The following CACNB2 variants were observed in gnomAD, a reference collection of about 807,000 sequenced individuals.
CACNB2 encodes calcium voltage-gated channel auxiliary subunit beta 2.
In CACNB2, 42 loss-of-function variants were observed where a neutral mutation model predicts 73.3. The ratio of observed to expected loss-of-function variants is 0.57; its 90% CI spans 0.45 to 0.74. The LOEUF (loss-of-function observed/expected upper bound fraction) is 0.74. Among genes scored for constraint, CACNB2 ranks in the 30% least tolerant of loss-of-function variants. The probability of loss-of-function intolerance (pLI) is 0.00; values close to 1 mark genes in which losing one functional copy is unlikely to be tolerated. For synonymous variants in CACNB2, 348 were observed against 310.3 expected (o/e 1.12, Z -1.28); for missense variants, 940 against 853.0 (o/e 1.10, Z -1.27).
chr10:18,415,529 A>T (rs16917315), intron 3 of CACNB2, among the ~76,000 whole-genome samples: 2,145 of 152,022 alleles, frequency 0.014, 75 homozygotes, highest in South Asian at 0.12. Context: ...AAATGGGTGG[A>T]CCCCAACACT....
intron 11 of CACNB2, 46 bp from the exon 12 acceptor site, chr10:18,536,055 C>A: frequency 2.6e-6 from 3 of 1,156,774 alleles, no homozygotes; most frequent in Non-Finnish European, 2.6e-6. Context: ...TTGTACTTTA[C>A]CTGGATGTAG....
At chr10:18,217,548 T>C (rs1315012781) in intron 2 of CACNB2, among the ~76,000 whole-genome samples, 1 of 151,786 alleles carries the variant, frequency 6.6e-6, no homozygotes, top group Non-Finnish European at 1.5e-5. Flanking sequence ...TGTATAAATG[T>C]TATAGAAAAA....
intron 3 of CACNB2, among the ~76,000 whole-genome samples, chr10:18,404,019 G>A (rs1331432397): frequency 6.6e-6 from 1 of 152,100 alleles, no homozygotes; most frequent in Non-Finnish European, 1.5e-5. Context: ...AATGCTTGAG[G>A]GGATAGATGC....
At chr10:18,417,540 T>C (rs933923557) in intron 3 of CACNB2, among the ~76,000 whole-genome samples, 1 of 152,008 alleles carries the variant, frequency 6.6e-6, no homozygotes, top group African/African-American at 2.4e-5. Flanking sequence ...GGCTAATTTT[T>C]GTATTTTTAG....
In CACNB2 at chr10:18,538,486, T is replaced by A. The variant is rs902055248; in HGVS notation, c.1488+121T>A. The A allele has an allele frequency of 2.9e-5, 23 of 791,040 alleles. No homozygotes were observed. The African/African-American group carries it at 4.0e-4, about 14-fold the overall frequency. The allele number at this position is 791,040 out of a possible 1,614,324, so 49.0% of individuals were successfully genotyped here. On this transcript the variant is annotated intron_variant, in intron 13 of 13. Transcript: ENST00000324631. ...TTGGGGCTTGTTCTAGTATATTAAC[T>A]CAAAGCAAGTCCAGCATGAGCTGTG...
intron 2 of CACNB2, among the ~76,000 whole-genome samples, chr10:18,155,857 A>C (rs1323300523): frequency 7.5e-6 from 1 of 134,190 alleles, no homozygotes; most frequent in Non-Finnish European, 1.6e-5. Context: ...GAACAGAGAG[A>C]GAGAATGAGA....
chr10:18,485,791 C>T (rs1200859376), intron 3 of CACNB2, among the ~76,000 whole-genome samples: 1 of 151,832 alleles, frequency 6.6e-6, no homozygotes, highest in Admixed American at 6.6e-5. Context: ...CCATGTTGGC[C>T]AGGCTGCTCT....
chr10:18,524,942 A>G (rs1253921870), intron 9 of CACNB2, among the ~76,000 whole-genome samples: 2 of 148,908 alleles, frequency 1.3e-5, no homozygotes, highest in Admixed American at 6.8e-5. Flanking sequence ...AGCCAGGGGG[A>G]TCACTTGAGC....
Position 18,498,276 on chromosome 10 carries a change from T to C in CACNB2, c.334-79T>C, listed in dbSNP as rs933010345. The stretch of plus-strand genomic sequence containing the variant: ...CAATGATTACAGTAGTTATTCAGTA[T>C]GTCTTTGTGTTTGAGGGAAAAAGGA... On this transcript the variant is annotated intron_variant, in intron 3 of 13. Transcript: ENST00000324631. 5 of 1,534,866 alleles carry C rather than the reference T, an allele frequency of 3.3e-6. No individual in the cohort carries two copies. In the African/African-American group the frequency reaches 4.1e-5, roughly 13 times the overall value.
At chr10:18,453,655 A>G (rs2047123490) in intron 3 of CACNB2, among the ~76,000 whole-genome samples, 1 of 152,198 alleles carries the variant, frequency 6.6e-6, no homozygotes. Context: ...TTTGAGACGG[A>G]GTCTCGCTCT....
At chr10:18,241,622 A>G (rs550411305) in intron 2 of CACNB2, among the ~76,000 whole-genome samples, 2 of 152,222 alleles carry the variant, frequency 1.3e-5, no homozygotes, top group South Asian at 4.1e-4. Context: ...ATAAAGAGGT[A>G]CATGGGAAAC....
intron 2 of CACNB2, among the ~76,000 whole-genome samples, chr10:18,282,063 T>C (rs536824106): frequency 7.0e-6 from 1 of 143,616 alleles, no homozygotes; most frequent in Non-Finnish European, 1.5e-5. Flanking sequence ...CAGGGCCCCC[T>C]GGAAGATGTA....
chr10:18,379,436 A>C (rs2042926510), intron 2 of CACNB2, among the ~76,000 whole-genome samples: 1 of 151,904 alleles, frequency 6.6e-6, no homozygotes, highest in African/African-American at 2.4e-5. Context: ...CTGGTCTCGA[A>C]CTCCTGACCG....
chr10:18,537,714 T>C (rs1589765987), intron 12 of CACNB2, among the ~76,000 whole-genome samples: 1 of 142,968 alleles, frequency 7.0e-6, no homozygotes, highest in South Asian at 2.1e-4. Flanking sequence ...GAGGCCAAGG[T>C]TGCACTGAAC....
intron 2 of CACNB2, among the ~76,000 whole-genome samples, chr10:18,322,950 G>A (rs1459918439): frequency 6.8e-6 from 1 of 148,012 alleles, no homozygotes; most frequent in South Asian, 2.1e-4. Flanking sequence ...TAACTTTTAT[G>A]GTGATATTCT....
rs2045873300 is a variant in CACNB2 at position 18,431,188 on chromosome 10, G to A, written c.333+29145G>A. Among the ~76,000 whole-genome samples the A allele has an allele frequency of 3.3e-5, 5 of 151,814 alleles. No homozygotes were observed. In the South Asian group the frequency reaches 1.0e-3, roughly 32 times the overall value. On this transcript the variant is annotated intron_variant, in intron 3 of 13. Transcript: ENST00000324631. ...TGTAGCGATGGGGTCTCGGTGTGTT[G>A]CACAGCCTCGTCTCAAACTCCTGGG... is the stretch of plus-strand genomic sequence containing the variant.
chr10:18,279,148 T>A (rs777281008), intron 2 of CACNB2, among the ~76,000 whole-genome samples: 9 of 152,222 alleles, frequency 5.9e-5, no homozygotes, highest in Non-Finnish European at 1.0e-4. Context: ...GCCAAATTAA[T>A]CAAATCTGAA....
intron 4 of CACNB2, chr10:18,498,819 C>G (rs544946094): frequency 6.6e-5 from 20 of 300,774 alleles, no homozygotes; most frequent in African/African-American, 4.0e-4. Flanking sequence ...TGCCTGAAGT[C>G]TAGGCATCTG....
intron 3 of CACNB2, among the ~76,000 whole-genome samples, chr10:18,481,046 G>A (rs1407072662): frequency 5.3e-5 from 8 of 150,680 alleles, no homozygotes; most frequent in Admixed American, 5.3e-4. Context: ...TCTGCATAAG[G>A]CCAACAGGTC....
Sources: gnomAD v4.1 joint callset for allele counts (sites outside exome capture counted in the v4.1 genomes callset) on GRCh38, gnomAD v4.1.1 for gene constraint, MANE v1.5 for transcripts, NCBI Gene and HGNC (gene_info 2026-07-23, HGNC 2026-07-21) for gene names.